The following ZDHHC23 variants were observed in gnomAD, a reference collection of about 807,000 sequenced individuals.
The protein encoded by ZDHHC23 is zDHHC palmitoyltransferase 23.
Under a neutral mutation model 40.2 loss-of-function variants are expected in ZDHHC23, and 41 were observed. The ratio of observed to expected loss-of-function variants is 1.02; its 90% CI spans 0.79 to 1.32. The LOEUF (loss-of-function observed/expected upper bound fraction) is 1.32, where lower values mean the gene tolerates loss of function less well. Ranked by LOEUF, ZDHHC23 falls within the 40% of genes most tolerant of loss-of-function variation. The pLI, the probability that ZDHHC23 is intolerant of heterozygous loss-of-function variation, is 0.00. For synonymous variants in ZDHHC23, 204 were observed against 210.2 expected, an observed-to-expected ratio of 0.97 and a Z score of 0.26; for missense variants, 471 against 541.5, an observed-to-expected ratio of 0.87 and a Z score of 1.29.
At position 113,954,076 on chromosome 3, in the gene ZDHHC23, C is replaced by T. The variant is rs1336953673; in HGVS notation, c.538C>T (p.Leu180=). ...QLAVLTCGLF[L]ILLALHRAKK... The stretch of plus-strand genomic sequence containing the variant: ...GGCGGTTCTTACCTGCGGGTTATTT[C>T]TGATACTCTTAGCCTTGCACAGAGC... The change falls in exon 3 of 5, where the codon CTG becomes TTG. Residue 180 remains leucine (L), a synonymous_variant. Coordinates refer to ENST00000638807, the MANE Select transcript of ZDHHC23 (RefSeq NM_001320466.2). The T allele has an allele frequency of 6.2e-7, 1 of 1,614,214 alleles. No homozygotes were observed. Among genetic ancestry groups the T allele is most frequent in the Non-Finnish European group, 8.5e-7 (1 of 1,180,054 alleles).
chr3:113,966,938 A>G (rs1940239026), downstream of ZDHHC23, among the ~76,000 whole-genome samples: 1 of 151,918 alleles, frequency 6.6e-6, no homozygotes, highest in Admixed American at 6.6e-5. Flanking sequence ...ATCTCTACTA[A>G]AAATACAAAA....
Position 113,960,342 on chromosome 3 carries a change from C to T in ZDHHC23, c.*1712C>T. 1 of 1,086,318 alleles carries T rather than the reference C, an allele frequency of 9.2e-7. No homozygotes were observed. The highest frequency in any genetic ancestry group is 1.1e-6 in the Non-Finnish European group (1 of 894,230). 67.3% of individuals were successfully genotyped at this position (1,086,318 alleles called of 1,614,324 possible). On this transcript the variant is annotated 3_prime_UTR_variant, in exon 5 of 5. Transcript: ENST00000638807. ...CTGTGCCTGGGGATGTTAGCAGACT[C>T]TGGGGTTTGTACAGTGATGCCTTCT... is the stretch of plus-strand genomic sequence containing the variant.
At chr3:113,978,876 G>T in the ZDHHC23 span, 1 of 1,613,972 alleles carries the variant, frequency 6.2e-7, no homozygotes, top group Non-Finnish European at 8.5e-7. Context: ...AGCTCTGGAT[G>T]ACTCTCTTAA....
downstream of ZDHHC23, among the ~76,000 whole-genome samples, chr3:113,966,761 A>G (rs1029774262): frequency 3.3e-5 from 5 of 152,060 alleles, no homozygotes; most frequent in South Asian, 1.0e-3. Context: ...CTGTTGGTTA[A>G]TATTTTTGAT....
At chr3:113,952,411 G>A (rs62265438) in intron 2 of ZDHHC23, among the ~76,000 whole-genome samples, 2 of 152,058 alleles carry the variant, frequency 1.3e-5, no homozygotes, top group Admixed American at 6.6e-5. Context: ...ATATTTCTGC[G>A]AGCCTTCTGT....
At chr3:113,972,445 T>C in the ZDHHC23 span, among the ~76,000 whole-genome samples, 2 of 152,226 alleles carry the variant, frequency 1.3e-5, no homozygotes, top group Non-Finnish European at 2.9e-5. Flanking sequence ...AGATACTTGA[T>C]ACAATTTCTG....
At chr3:113,950,429 G>A (rs1938552283) in intron 2 of ZDHHC23, among the ~76,000 whole-genome samples, 2 of 152,082 alleles carry the variant, frequency 1.3e-5, no homozygotes, top group African/African-American at 2.4e-5. Flanking sequence ...ACACCTTCTT[G>A]GTGTGTCATG....
the ZDHHC23 span, chr3:113,978,889 A>G: frequency 2.8e-5 from 45 of 1,614,052 alleles, no homozygotes; most frequent in East Asian, 9.1e-4. Context: ...TCTCTTAAGC[A>G]GTATTTGGGA....
In ZDHHC23 at chr3:113,953,995, T is replaced by C; in HGVS notation, c.457T>C (p.Tyr153His). 6.2e-7 allele frequency: 1 copy of C among 1,614,146 alleles called. No homozygotes were observed. The highest frequency in any genetic ancestry group is 8.5e-7 in the Non-Finnish European group (1 of 1,180,022). ...TGGACTGTTCTCTCTGGGCTACATG[T>C]ACTATGTGTTCCTGCAGGAAGTGGT... Reference protein sequence around the residue: ...SLGLFSLGYMYYVFLQEVVPK... With the variant: ...SLGLFSLGYMHYVFLQEVVPK... Residue 153 changes from tyrosine to histidine, a missense_variant, in exon 3 of 5, where the codon TAC becomes CAC. Coordinates refer to ENST00000638807, the MANE Select transcript of ZDHHC23 (RefSeq NM_001320466.2).
intron 2 of ZDHHC23, among the ~76,000 whole-genome samples, chr3:113,951,325 T>G (rs973570582): frequency 1.3e-5 from 2 of 152,104 alleles, no homozygotes; most frequent in African/African-American, 4.8e-5. Flanking sequence ...GTCCCGAGGC[T>G]CTCCAGGGCA....
In ZDHHC23 at chr3:113,960,672, G is replaced by A; in HGVS notation, c.*2042G>A. ...GTACAAAGAGACCAAAATAATTTGG[G>A]AGAATTAGGAATGATGACAATTTTT... On this transcript the variant is annotated 3_prime_UTR_variant, in exon 5 of 5. Coordinates refer to ENST00000638807, the MANE Select transcript of ZDHHC23 (RefSeq NM_001320466.2). 6.2e-7 allele frequency: 1 copy of A among 1,606,814 alleles called. No homozygotes were observed. Among genetic ancestry groups the A allele is most frequent in the Middle Eastern group, 1.7e-4 (1 of 6,042 alleles).
intron 2 of ZDHHC23, among the ~76,000 whole-genome samples, chr3:113,950,816 TGAAATCAAACAAGTTAG>T (rs1398897215): frequency 1.3e-5 from 2 of 152,190 alleles, no homozygotes; most frequent in African/African-American, 2.4e-5. Context: ...TGTGAGCCTG[TGAAATCAAACAAGTTAG>T]GTGCTTCCAC....
the ZDHHC23 span, chr3:113,979,108 G>A: frequency 9.3e-5 from 103 of 1,106,336 alleles, no homozygotes; most frequent in Middle Eastern, 1.7e-3. Flanking sequence ...ACACATTTAG[G>A]CAGTCGGTAG....
At position 113,960,527 on chromosome 3, in the gene ZDHHC23, C is replaced by A; in HGVS notation, c.*1897C>A. 1 of 1,416,754 alleles carries A rather than the reference C, an allele frequency of 7.1e-7. No homozygotes were observed. Among genetic ancestry groups the A allele is most frequent in the Non-Finnish European group, 9.1e-7 (1 of 1,093,146 alleles). 87.8% of individuals were successfully genotyped at this position (1,416,754 alleles called of 1,614,324 possible). ...GTGCTTTTGAATGTCAGCTGTAGAG[C>A]CAACTCTGATTATCTAGCCATTGAT... On this transcript the variant is annotated 3_prime_UTR_variant, in exon 5 of 5. Coordinates refer to ENST00000638807, the MANE Select transcript of ZDHHC23 (RefSeq NM_001320466.2).
chr3:113,958,641 A>T lies in ZDHHC23; in HGVS notation c.*11A>T. On this transcript the variant is annotated 3_prime_UTR_variant, in exon 5 of 5. Transcript: ENST00000638807. Reference sequence around the variant, plus strand: ...GAGGACATTGTCTGAAGTGCCTTCTATGTGGCTCTCTGAGGGATGATGGCT... The same window carrying T: ...GAGGACATTGTCTGAAGTGCCTTCTTTGTGGCTCTCTGAGGGATGATGGCT... 1 of 1,594,806 alleles carries T rather than the reference A, an allele frequency of 6.3e-7. No homozygotes were observed. Among genetic ancestry groups the T allele is most frequent in the Non-Finnish European group, 8.5e-7 (1 of 1,177,658 alleles).
the ZDHHC23 span, chr3:113,978,859 T>C: frequency 6.2e-7 from 1 of 1,613,776 alleles, no homozygotes; most frequent in East Asian, 2.2e-5. Flanking sequence ...TGTCCTTACC[T>C]GTAGCCAGCT....
At chr3:113,972,632 T>G in the ZDHHC23 span, among the ~76,000 whole-genome samples, 1 of 152,198 alleles carries the variant, frequency 6.6e-6, no homozygotes, top group African/African-American at 2.4e-5. Context: ...TTGCTGATTT[T>G]CTTCTGGATA....
At chr3:113,954,593 T>C (rs1938993678) in intron 3 of ZDHHC23, among the ~76,000 whole-genome samples, 183 bp downstream of exon 3, 2 of 152,200 alleles carry the variant, frequency 1.3e-5, no homozygotes, top group Admixed American at 6.5e-5. Context: ...CAAATTTAGT[T>C]CCTTCAGTCA....
chr3:113,950,947 A>G lies in ZDHHC23; in HGVS notation c.161+1984A>G, dbSNP rs763810549. Among the ~76,000 whole-genome samples, 37 of 152,336 alleles carry G rather than the reference A, an allele frequency of 2.4e-4. 1 individual carries two copies. The highest frequency in any genetic ancestry group is 5.1e-4 in the African/African-American group (21 of 41,568). Reference sequence around the variant, plus strand: ...AGGTCCTAACCCAGTGGGGCAAACAATGTTAAGCCTTAATAAGGCTTGAGA... The same window carrying G: ...AGGTCCTAACCCAGTGGGGCAAACAGTGTTAAGCCTTAATAAGGCTTGAGA... On this transcript the variant is annotated intron_variant, in intron 2 of 4. Transcript: ENST00000638807.
Sources: allele counts gnomAD v4.1 joint callset (sites outside exome capture counted in the v4.1 genomes callset), GRCh38; gene constraint gnomAD v4.1.1; transcripts MANE v1.5; gene names NCBI Gene and HGNC (gene_info 2026-07-23, HGNC 2026-07-21).